The following EDIL3 variants were observed in gnomAD, a reference collection of about 807,000 sequenced individuals.
The protein encoded by EDIL3 is EGF like and discoidin domains 3.
Under a neutral mutation model 67.4 loss-of-function variants are expected in EDIL3, and 37 were observed. The ratio of observed to expected loss-of-function variants is 0.55; its 90% CI spans 0.42 to 0.72. EDIL3 has a LOEUF of 0.72. EDIL3 is among the 30% of genes least tolerant of loss of function. The probability of loss-of-function intolerance (pLI) is 0.00; values close to 1 mark genes in which losing one functional copy is unlikely to be tolerated. For missense variants in EDIL3, 527 were observed against 586.3 expected, an observed-to-expected ratio of 0.90 and a Z score of 1.04; for synonymous variants, 195 against 196.3, an observed-to-expected ratio of 0.99 and a Z score of 0.05.
At chr5:84,209,580 T>G (rs1744070961) in intron 3 of EDIL3, among the ~76,000 whole-genome samples, 1 of 152,144 alleles carries the variant, frequency 6.6e-6, no homozygotes, top group Admixed American at 6.5e-5. Context: ...TTTTGTACAG[T>G]ACACTATGCC....
At chr5:84,268,045 G>A (rs1006794710) in intron 1 of EDIL3, among the ~76,000 whole-genome samples, 4 of 152,198 alleles carry the variant, frequency 2.6e-5, no homozygotes, top group African/African-American at 9.7e-5. Context: ...GCTGAGGCAG[G>A]AGAATTGCTT....
At chr5:84,320,004 G>A (rs1746602392) in intron 1 of EDIL3, among the ~76,000 whole-genome samples, 1 of 152,024 alleles carries the variant, frequency 6.6e-6, no homozygotes, top group African/African-American at 2.4e-5. Context: ...CCTGTCAGGG[G>A]GTGGGTGCCT....
In EDIL3 at chr5:84,118,869, G is replaced by T. The variant is rs78719699; in HGVS notation, c.470-12039C>A. Among the ~76,000 whole-genome samples the T allele has an allele frequency of 6.3e-3, 965 of 152,088 alleles. 10 individuals are homozygous for T. Among genetic ancestry groups the T allele is most frequent in the African/African-American group, 0.022 (925 of 41,502 alleles). ...TACCAATTCAATTAGAATGCCTTGG[G>T]GTACGAGCCAGACATATATATTTTT... On this transcript the variant is annotated intron_variant, in intron 5 of 10. Coordinates refer to ENST00000296591, the MANE Select transcript of EDIL3 (RefSeq NM_005711.5).
At chr5:84,322,985 GA>G (rs1485433932) in intron 1 of EDIL3, among the ~76,000 whole-genome samples, 2 of 151,894 alleles carry the variant, frequency 1.3e-5, no homozygotes, top group Non-Finnish European at 2.9e-5. Context: ...AAACCTAAAA[GA>G]AAAATTGACA....
At chr5:84,312,458 C>T (rs1367899809) in intron 1 of EDIL3, among the ~76,000 whole-genome samples, 11 of 142,276 alleles carry the variant, frequency 7.7e-5, no homozygotes, top group African/African-American at 2.6e-4. Context: ...TAGGGGCGGC[C>T]GGGCAGAGGC....
intron 9 of EDIL3, among the ~76,000 whole-genome samples, chr5:84,056,859 C>T (rs929060604): frequency 6.6e-6 from 1 of 151,980 alleles, no homozygotes; most frequent in African/African-American, 2.4e-5. Context: ...TAAAAATTGA[C>T]CTCTATGTTA....
intron 1 of EDIL3, among the ~76,000 whole-genome samples, chr5:84,272,334 TATTATA>T (rs1275867815): frequency 4.0e-5 from 6 of 151,632 alleles, no homozygotes; most frequent in Non-Finnish European, 8.8e-5. Context: ...AATAATTATA[TATTATA>T]ATTATAAATA....
rs1324939172 is a variant in EDIL3 at position 84,312,888 on chromosome 5, AGAT to A, written c.68-58679_68-58677del. On this transcript the variant is annotated intron_variant, in intron 1 of 10. Coordinates refer to ENST00000296591, the MANE Select transcript of EDIL3 (RefSeq NM_005711.5). Reference sequence around the variant, plus strand: ...AATATAAACACAATTTTAGCATATAAGATGAAGAGTGGGAAATCCATAATTCAA... The same window carrying A: ...AATATAAACACAATTTTAGCATATAAGAAGAGTGGGAAATCCATAATTCAA... 1.6e-4 allele frequency among the ~76,000 whole-genome samples: 25 copies of A among 152,334 alleles called. No individual in the cohort carries two copies. The East Asian group carries it at 1.9e-3, about 12-fold the overall frequency.
intron 6 of EDIL3, among the ~76,000 whole-genome samples, chr5:84,080,763 T>C (rs542522791): frequency 1.5e-3 from 235 of 152,324 alleles, no homozygotes; most frequent in African/African-American, 5.3e-3. Flanking sequence ...GTTTAAACAA[T>C]GAAATAAAAA....
At chr5:84,233,161 A>G (rs1312299027) in intron 2 of EDIL3, among the ~76,000 whole-genome samples, 1 of 152,222 alleles carries the variant, frequency 6.6e-6, no homozygotes, top group Non-Finnish European at 1.5e-5. Flanking sequence ...TACTGAAATT[A>G]TAATGATGGT....
intron 1 of EDIL3, among the ~76,000 whole-genome samples, chr5:84,271,172 G>A (rs544713817): frequency 6.6e-6 from 1 of 152,248 alleles, no homozygotes; most frequent in South Asian, 2.1e-4. Flanking sequence ...GAAATTAGAT[G>A]TGAAATTAGA....
At chr5:84,252,314 AC>A (rs1745038189) in intron 2 of EDIL3, among the ~76,000 whole-genome samples, 2 of 151,680 alleles carry the variant, frequency 1.3e-5, no homozygotes, top group Non-Finnish European at 2.9e-5. Context: ...ACACAGTGAA[AC>A]CCCGTCTGTA....
chr5:84,155,561 C>A (rs139633298), intron 4 of EDIL3, among the ~76,000 whole-genome samples: 1 of 152,250 alleles, frequency 6.6e-6, no homozygotes, highest in East Asian at 1.9e-4. Flanking sequence ...TGGAATTAGT[C>A]CCGTGCTGAA....
chr5:84,106,136 T>A (rs941801967), intron 6 of EDIL3, among the ~76,000 whole-genome samples: 2 of 152,218 alleles, frequency 1.3e-5, no homozygotes, highest in Non-Finnish European at 1.5e-5. Context: ...TATATTGTTG[T>A]TTTCTCCTGT....
At chr5:84,282,413 T>G (rs1284783712) in intron 1 of EDIL3, among the ~76,000 whole-genome samples, 1 of 152,232 alleles carries the variant, frequency 6.6e-6, no homozygotes, top group Non-Finnish European at 1.5e-5. Context: ...ACAGTGTTTT[T>G]GAAATTTATC....
chr5:83,990,926 T>TAAAA (rs1401173326), intron 9 of EDIL3, among the ~76,000 whole-genome samples: 7 of 135,186 alleles, frequency 5.2e-5, no homozygotes, highest in African/African-American at 1.9e-4. Flanking sequence ...AATAAATAAA[T>TAAAA]AAAATAAAAG....
At chr5:84,075,989 A>G (rs1046913802) in intron 6 of EDIL3, among the ~76,000 whole-genome samples, 5 of 149,092 alleles carry the variant, frequency 3.4e-5, no homozygotes, top group Non-Finnish European at 7.4e-5. Context: ...CATATTAGAA[A>G]TTAATACTGA....
At chr5:84,027,798 A>T (rs1239379672) in intron 9 of EDIL3, among the ~76,000 whole-genome samples, 1 of 152,120 alleles carries the variant, frequency 6.6e-6, no homozygotes, top group Admixed American at 6.6e-5. Context: ...TATGAGTCTG[A>T]ACTCAAAAAA....
At chr5:84,343,294 C>T (rs1747162944) in intron 1 of EDIL3, among the ~76,000 whole-genome samples, 1 of 151,870 alleles carries the variant, frequency 6.6e-6, no homozygotes, top group Non-Finnish European at 1.5e-5. Context: ...TTAATACTCA[C>T]TGAGTTCAGT....
Sources: gnomAD v4.1 joint callset for allele counts (sites outside exome capture counted in the v4.1 genomes callset) on GRCh38, gnomAD v4.1.1 for gene constraint, MANE v1.5 for transcripts, NCBI Gene and HGNC (gene_info 2026-07-23, HGNC 2026-07-21) for gene names.